SLC25A19: variants seen among roughly 807,000 people sequenced by gnomAD.
SLC25A19 encodes the protein mitochondrial thiamine pyrophosphate carrier.
In SLC25A19, 18 loss-of-function variants were observed where a neutral mutation model predicts 27.9. That is an observed-to-expected ratio of 0.64 (90% CI 0.45 to 0.96). The LOEUF is 0.96. Among genes scored for constraint, SLC25A19 ranks in the 40% least tolerant of loss-of-function variants. The pLI is 0.00. For synonymous variants in SLC25A19, 169 were observed against 167.1 expected (o/e 1.01, Z -0.09); for missense variants, 371 against 418.3 (o/e 0.89, Z 0.99).
At chr17:75,280,165 G>A (rs1305039652) in intron 5 of SLC25A19, among the ~76,000 whole-genome samples, 2 of 151,822 alleles carry the variant, frequency 1.3e-5, no homozygotes, top group East Asian at 1.9e-4. Flanking sequence ...CTAGGAGTTC[G>A]AGAACAGCCT....
chr17:75,275,465 C>T (rs1412564810), intron 7 of SLC25A19, among the ~76,000 whole-genome samples: 1 of 152,116 alleles, frequency 6.6e-6, no homozygotes, highest in Non-Finnish European at 1.5e-5. Context: ...TTTTTTCACA[C>T]CTCCGCATCT....
intron 5 of SLC25A19, among the ~76,000 whole-genome samples, chr17:75,280,023 T>TTTAGGA (rs879553298): frequency 0.1 from 15,927 of 152,170 alleles, 990 homozygotes; most frequent in South Asian, 0.19. Context: ...CAAATTATCC[T>TTTAGGA]TCCTTTCCCA....
intron 5 of SLC25A19, among the ~76,000 whole-genome samples, chr17:75,280,949 CAAA>C (rs557623020): frequency 2.3e-5 from 2 of 87,846 alleles, no homozygotes. Context: ...AAACAACAAC[CAAA>C]AAAAAAAAAA....
intron 5 of SLC25A19, among the ~76,000 whole-genome samples, chr17:75,279,712 TTGG>T (rs2077988735): frequency 6.6e-6 from 1 of 151,930 alleles, no homozygotes; most frequent in Non-Finnish European, 1.5e-5. Flanking sequence ...TTTCATCATG[TTGG>T]CCAGGATGAT....
intron 7 of SLC25A19, among the ~76,000 whole-genome samples, chr17:75,275,810 T>C (rs1216907313): frequency 2.0e-5 from 3 of 149,728 alleles, no homozygotes; most frequent in Non-Finnish European, 4.5e-5. Flanking sequence ...CCCCGTCTCT[T>C]CTAAAAATAC....
At chr17:75,277,312 G>A in intron 7 of SLC25A19, 41 bp downstream of exon 7, 1 of 1,606,330 alleles carries the variant, frequency 6.2e-7, no homozygotes, top group Non-Finnish European at 8.5e-7. Context: ...GCCCAGTGAT[G>A]GCAAGGGTCA....
chr17:75,275,040 G>GTGC (rs1295615175), intron 7 of SLC25A19, among the ~76,000 whole-genome samples: 1 of 119,930 alleles, frequency 8.3e-6, no homozygotes, highest in African/African-American at 3.2e-5. Context: ...CCAAGATGGT[G>GTGC]TGCAGTAGTG....
chr17:75,274,973 CTTTTTTTTTTTTTTTTTTTTT>C lies in SLC25A19; in HGVS notation c.775-1355_775-1335del, dbSNP rs67040059. Among the ~76,000 whole-genome samples, 9 of 47,196 alleles carry C rather than the reference CTTTTTTTTTTTTTTTTTTTTT, an allele frequency of 1.9e-4. No homozygotes were observed. The East Asian group carries it at 5.1e-3, about 27-fold the overall frequency. 31.0% of individuals were successfully genotyped at this position (47,196 alleles called of 152,430 possible). ...TAGTGAAATTACAAGGGATTTTGGT[CTTTTTTTTTTTTTTTTTTTTT>C]TTTTTTTTTTTTGAGACAGAGTCTC... On this transcript the variant is annotated intron_variant, in intron 7 of 7. Transcript: ENST00000416858.
intron 7 of SLC25A19, chr17:75,273,958 C>T (rs1807073): frequency 0.14 from 48,335 of 345,658 alleles, 3,884 homozygotes; most frequent in Middle Eastern, 0.21. Flanking sequence ...GATGCAGTTT[C>T]GCCATGTTGG....
chr17:75,277,827 C>A (rs537433262), intron 6 of SLC25A19, among the ~76,000 whole-genome samples: 1 of 151,834 alleles, frequency 6.6e-6, no homozygotes, highest in African/African-American at 2.4e-5. Flanking sequence ...CCCCATCTCC[C>A]ACTCCCCCTG....
intron 5 of SLC25A19, among the ~76,000 whole-genome samples, chr17:75,282,463 T>A (rs572335709): frequency 1.3e-5 from 2 of 152,198 alleles, no homozygotes; most frequent in East Asian, 1.9e-4. Context: ...GCAGGAGAAC[T>A]GCTTGAAATC....
intron 1 of SLC25A19, 159 bp downstream of exon 1, chr17:75,289,195 C>T (rs1416572570): frequency 6.6e-6 from 1 of 152,430 alleles, no homozygotes; most frequent in Non-Finnish European, 1.5e-5. Context: ...CCGCCGGTGT[C>T]CCTGGAGATG....
At position 75,273,471 on chromosome 17, in the gene SLC25A19, T is replaced by G; in HGVS notation, c.943A>C (p.Arg315=). ...TGCACTCAGCGCTGGCTGGCTGTCC[T>G]GTTCATGCAGTGGAAGACATTACAG... ...FFCNVFHCMN[R]TASQR is the part of the protein sequence containing the mutation. The change falls in exon 8 of 8, where the codon AGG becomes CGG. Residue 315 remains arginine, a synonymous_variant. Transcript: ENST00000416858. 6.2e-7 allele frequency: 1 copy of G among 1,614,092 alleles called. No homozygotes were observed.
chr17:75,276,391 C>A (rs1444181722), intron 7 of SLC25A19, among the ~76,000 whole-genome samples: 1 of 152,176 alleles, frequency 6.6e-6, no homozygotes. Flanking sequence ...TATTTGGGGA[C>A]CTTCCTTGCT....
chr17:75,275,187 C>T (rs1156249608), intron 7 of SLC25A19, among the ~76,000 whole-genome samples: 1 of 151,512 alleles, frequency 6.6e-6, no homozygotes, highest in African/African-American at 2.4e-5. Context: ...GAGACGGGGT[C>T]TTGCTATGTT....
At chr17:75,276,148 G>A (rs1321802085) in intron 7 of SLC25A19, among the ~76,000 whole-genome samples, 3 of 151,886 alleles carry the variant, frequency 2.0e-5, no homozygotes, top group Admixed American at 1.3e-4. Context: ...GGTGGCACGC[G>A]CTTGTAATCC....
At chr17:75,283,191 C>T (rs1484697852) in intron 5 of SLC25A19, among the ~76,000 whole-genome samples, 1 of 149,250 alleles carries the variant, frequency 6.7e-6, no homozygotes, top group East Asian at 2.0e-4. Flanking sequence ...ATCCCAGCTA[C>T]TCGGGAGGCT....
intron 3 of SLC25A19, 36 bp downstream of exon 3, chr17:75,286,597 C>T (rs760190491): frequency 4.8e-5 from 77 of 1,613,998 alleles, no homozygotes; most frequent in Non-Finnish European, 6.3e-5. Context: ...CTGAACTTGT[C>T]CTCCAGTCCA....
intron 6 of SLC25A19, 96 bp from the exon 7 acceptor site, chr17:75,277,579 C>T: frequency 3.5e-6 from 5 of 1,432,564 alleles, no homozygotes; most frequent in Non-Finnish European, 4.9e-6. Flanking sequence ...CCACCACAAA[C>T]CAAACCCCAC....
Sources: gnomAD v4.1 joint callset for allele counts (sites outside exome capture counted in the v4.1 genomes callset) on GRCh38, gnomAD v4.1.1 for gene constraint, MANE v1.5 for transcripts, NCBI Gene and HGNC (gene_info 2026-07-23, HGNC 2026-07-21) for gene names.